The following RBMS1 variants were observed in gnomAD, a reference collection of about 807,000 sequenced individuals.
RBMS1 encodes the protein RNA binding motif single stranded interacting protein 1, also known as RNA-binding motif, single-stranded-interacting protein 1.
RBMS1 carries 17 observed loss-of-function variants against 62.3 expected under a neutral mutation model. That is an observed-to-expected ratio of 0.27 (90% CI 0.19 to 0.41). The LOEUF is 0.41. Ranked by LOEUF, RBMS1 falls within the 10% of genes least tolerant of loss-of-function variation. The probability of loss-of-function intolerance (pLI) is 1.00; values close to 1 mark genes in which losing one functional copy is unlikely to be tolerated. For missense variants in RBMS1, 334 were observed against 504.5 expected (o/e 0.66, Z 3.24); for synonymous variants, 172 against 170.0 (o/e 1.01, Z -0.09).
chr2:160,468,112 A>G (rs1684768488), intron 1 of RBMS1, among the ~76,000 whole-genome samples: 1 of 152,208 alleles, frequency 6.6e-6, no homozygotes, highest in Non-Finnish European at 1.5e-5. Flanking sequence ...AATGTAAGAC[A>G]CACCCCAACT....
intron 11 of RBMS1, 185 bp downstream of exon 11, chr2:160,278,363 T>G (rs1687940202): frequency 3.2e-6 from 2 of 624,224 alleles, no homozygotes; most frequent in Non-Finnish European, 5.7e-6. Flanking sequence ...GAGAATAGAC[T>G]TTCAGTTCAT....
intron 1 of RBMS1, among the ~76,000 whole-genome samples, chr2:160,426,218 G>GAAAGA (rs71408120): frequency 2.1e-5 from 1 of 48,676 alleles, no homozygotes; most frequent in Non-Finnish European, 4.1e-5. Context: ...GAGAGAGACA[G>GAAAGA]AAGAAAGAAA....
At chr2:160,369,135 G>C (rs975487571) in intron 1 of RBMS1, among the ~76,000 whole-genome samples, 1 of 152,184 alleles carries the variant, frequency 6.6e-6, no homozygotes, top group African/African-American at 2.4e-5. Flanking sequence ...GGCTGAACTT[G>C]AACTGGGAAC....
rs1486890906 is a variant in RBMS1 at position 160,375,392 on chromosome 2, A to T, written c.76-8001T>A. Among the ~76,000 whole-genome samples the T allele has an allele frequency of 2.0e-5, 3 of 152,228 alleles. No individual in the cohort carries two copies. The East Asian group carries it at 5.8e-4, about 29-fold the overall frequency. ...TATTCTAAATATGTAAGCTATCCTA[A>T]AACAACAACTGAAGCCTAAAGGAAC... is the stretch of plus-strand genomic sequence containing the variant. On this transcript the variant is annotated intron_variant, in intron 1 of 13. Coordinates refer to ENST00000348849, the MANE Select transcript of RBMS1 (RefSeq NM_016836.4).
intron 1 of RBMS1, among the ~76,000 whole-genome samples, chr2:160,460,241 G>C (rs1012171519): frequency 3.9e-5 from 6 of 152,194 alleles, no homozygotes; most frequent in Admixed American, 6.5e-5. Flanking sequence ...GACTCTGAAA[G>C]GCACCAAGTC....
At chr2:160,399,825 G>A (rs1241417232) in intron 1 of RBMS1, among the ~76,000 whole-genome samples, 4 of 152,090 alleles carry the variant, frequency 2.6e-5, no homozygotes, top group African/African-American at 9.7e-5. Context: ...AATGCTGGAC[G>A]ATAGGACCGA....
At chr2:160,282,214 G>A (rs1688136045) in intron 9 of RBMS1, 1 of 1,355,552 alleles carries the variant, frequency 7.4e-7, no homozygotes, top group African/African-American at 1.5e-5. Flanking sequence ...CAACAGAGAG[G>A]ATATGGGGAA....
intron 2 of RBMS1, among the ~76,000 whole-genome samples, chr2:160,351,857 G>A (rs1285814067): frequency 2.0e-5 from 3 of 152,136 alleles, no homozygotes; most frequent in African/African-American, 7.2e-5. Context: ...TTCCTTCTGT[G>A]ATTTTAAGGG....
chr2:160,428,906 A>T (rs1324360055), intron 1 of RBMS1, among the ~76,000 whole-genome samples: 1 of 152,124 alleles, frequency 6.6e-6, no homozygotes, highest in Admixed American at 6.5e-5. Context: ...TTCCTTCCCT[A>T]TTGGCTATGA....
At chr2:160,406,701 C>A (rs1559513700) in intron 1 of RBMS1, among the ~76,000 whole-genome samples, 1 of 152,196 alleles carries the variant, frequency 6.6e-6, no homozygotes, top group Non-Finnish European at 1.5e-5. Context: ...GCTTCAGTAA[C>A]CTTCTTTTAA....
chr2:160,458,753 T>C (rs549950137), intron 1 of RBMS1, among the ~76,000 whole-genome samples: 1 of 150,170 alleles, frequency 6.7e-6, no homozygotes, highest in South Asian at 2.1e-4. Flanking sequence ...GCCGAGATCG[T>C]GCCATTGCAC....
chr2:160,307,523 C>G (rs891372102), intron 4 of RBMS1, among the ~76,000 whole-genome samples: 1 of 152,088 alleles, frequency 6.6e-6, no homozygotes, highest in Non-Finnish European at 1.5e-5. Flanking sequence ...CTTTGTAGCT[C>G]GTTATCTGCG....
At chr2:160,313,517 T>C (rs1216356649) in intron 3 of RBMS1, among the ~76,000 whole-genome samples, 2 of 151,500 alleles carry the variant, frequency 1.3e-5, no homozygotes, top group Non-Finnish European at 2.9e-5. Flanking sequence ...TTGTATTTAC[T>C]GGTGGGGGGG....
Position 160,285,718 on chromosome 2 carries a change from G to A in RBMS1, c.757-674C>T, listed in dbSNP as rs897369878. Among the ~76,000 whole-genome samples the A allele has an allele frequency of 2.6e-5, 4 of 151,338 alleles. No individual in the cohort carries two copies. In the South Asian group the frequency reaches 8.3e-4, roughly 32 times the overall value. Reference sequence around the variant, plus strand: ...TGTACTATTTATATATAAATATTTAGATTACTATTTAGGATAACTTCTAAA... The same window carrying A: ...TGTACTATTTATATATAAATATTTAAATTACTATTTAGGATAACTTCTAAA... On this transcript the variant is annotated intron_variant, in intron 7 of 13. Transcript: ENST00000348849.
At chr2:160,454,868 G>A (rs1039493844) in intron 1 of RBMS1, among the ~76,000 whole-genome samples, 39 of 152,192 alleles carry the variant, frequency 2.6e-4, no homozygotes, top group Non-Finnish European at 8.8e-5. Context: ...TTACTAGTGA[G>A]ATGGAAAAGT....
intron 1 of RBMS1, among the ~76,000 whole-genome samples, chr2:160,395,370 A>G (rs926043266): frequency 3.3e-5 from 5 of 152,228 alleles, no homozygotes; most frequent in Non-Finnish European, 7.3e-5. Flanking sequence ...CACGCCTGTA[A>G]TCCCAGCACT....
chr2:160,394,143 T>A (rs1047573840), intron 1 of RBMS1, among the ~76,000 whole-genome samples: 3 of 152,222 alleles, frequency 2.0e-5, no homozygotes, highest in African/African-American at 7.2e-5. Context: ...ACTAAGAACC[T>A]TAATATAGAT....
At chr2:160,445,245 G>A (rs191398317) in intron 1 of RBMS1, among the ~76,000 whole-genome samples, 4 of 151,994 alleles carry the variant, frequency 2.6e-5, no homozygotes, top group African/African-American at 9.7e-5. Flanking sequence ...AATACATGCA[G>A]GTTAAGACAT....
chr2:160,406,993 G>A (rs1022808492), intron 1 of RBMS1, among the ~76,000 whole-genome samples: 1 of 151,614 alleles, frequency 6.6e-6, no homozygotes, highest in Non-Finnish European at 1.5e-5. Context: ...TTAAATGAGG[G>A]GGGCGCGCGC....
Sources: allele counts gnomAD v4.1 joint callset (sites outside exome capture counted in the v4.1 genomes callset), GRCh38; gene constraint gnomAD v4.1.1; transcripts MANE v1.5; gene names NCBI Gene and HGNC (gene_info 2026-07-23, HGNC 2026-07-21).